Variants in RNF121 observed in about 807,000 individuals in gnomAD.
RNF121 encodes the protein E3 ubiquitin ligase RNF121.
RNF121 carries 21 observed loss-of-function variants against 46.5 expected under a neutral mutation model. The observed-to-expected ratio is 0.45, with a 90% CI of 0.32 to 0.65. The LOEUF (loss-of-function observed/expected upper bound fraction) is 0.65. Among genes scored for constraint, RNF121 ranks in the 30% least tolerant of loss-of-function variants. The probability of loss-of-function intolerance (pLI) is 0.04; values close to 1 mark genes in which losing one functional copy is unlikely to be tolerated. For missense variants in RNF121, 346 were observed against 416.0 expected (o/e 0.83, Z 1.46); for synonymous variants, 139 against 144.7 (o/e 0.96, Z 0.28).
chr11:71,970,901 G>A (rs919766787), intron 3 of RNF121, among the ~76,000 whole-genome samples: 3 of 152,066 alleles, frequency 2.0e-5, no homozygotes, highest in African/African-American at 7.2e-5. Flanking sequence ...AGATGGATGG[G>A]AATTTAATAT....
chr11:71,937,703 C>T (rs900322034), intron 1 of RNF121, among the ~76,000 whole-genome samples: 6 of 152,132 alleles, frequency 3.9e-5, no homozygotes, highest in Admixed American at 3.9e-4. Context: ...CGTACCTTTT[C>T]CCAGATTCTG....
At chr11:71,945,049 G>A (rs1953681791) in intron 1 of RNF121, among the ~76,000 whole-genome samples, 1 of 151,820 alleles carries the variant, frequency 6.6e-6, no homozygotes, top group Non-Finnish European at 1.5e-5. Flanking sequence ...GTGCAGTGGT[G>A]TGATCATGGC....
intron 1 of RNF121, 47 bp downstream of exon 1, chr11:71,929,171 G>A (rs368249883): frequency 2.1e-5 from 32 of 1,538,252 alleles, no homozygotes; most frequent in East Asian, 1.2e-4. Context: ...GAGACTGAGG[G>A]GAGGGGCAGT....
At chr11:71,990,822 C>A in intron 6 of RNF121, 105 bp downstream of exon 6, 1 of 1,374,518 alleles carries the variant, frequency 7.3e-7, no homozygotes, top group Non-Finnish European at 9.9e-7. Flanking sequence ...TGAGATAAGC[C>A]ACATAAAATC....
At position 71,995,495 on chromosome 11, in the gene RNF121, G is replaced by A. The variant is rs765511327; in HGVS notation, c.807G>A (p.Lys269=). The change falls in exon 8 of 9, where the codon AAG becomes AAA. Residue 269 remains lysine, a synonymous_variant. Transcript: ENST00000361756. ...CIRGWCIVGK[K]QTCPYCKEKV... ...GTGGCTGGTGCATCGTGGGAAAGAA[G>A]CAAACGTGTCCCTACTGCAAAGAGA... The A allele has an allele frequency of 1.9e-6, 3 of 1,595,522 alleles. No individual in the cohort carries two copies. Among genetic ancestry groups the A allele is most frequent in the Non-Finnish European group, 2.6e-6 (3 of 1,169,562 alleles).
In RNF121 at chr11:71,929,091, A is replaced by T. The variant is rs754578761; in HGVS notation, c.30A>T (p.Gly10=). 1.9e-6 allele frequency: 3 copies of T among 1,551,334 alleles called. No individual in the cohort carries two copies. Among genetic ancestry groups the T allele is most frequent in the Admixed American group, 2.0e-5 (1 of 50,974 alleles). MAAVVEVEV[G]GGAAGERELD... The stretch of plus-strand genomic sequence containing the variant: ...CGGCAGTGGTGGAGGTGGAGGTTGG[A>T]GGTGGTGCTGCTGGGGAACGGGAGC... Residue 10 remains glycine, a synonymous_variant, in exon 1 of 9, where the codon GGA becomes GGT. Coordinates refer to ENST00000361756, the MANE Select transcript of RNF121 (RefSeq NM_018320.5).
At chr11:71,978,284 C>T in intron 3 of RNF121, 2 of 354,104 alleles carry the variant, frequency 5.6e-6, no homozygotes, top group South Asian at 4.0e-5. Flanking sequence ...CACTCAGCTC[C>T]TCTGCCTTGC....
At chr11:71,990,936 G>A in intron 6 of RNF121, 1 of 569,876 alleles carries the variant, frequency 1.8e-6, no homozygotes, top group South Asian at 2.4e-5. Context: ...CATGCCAGCT[G>A]GAGGCCTTTA....
At chr11:71,946,362 C>T (rs1429746020) in intron 1 of RNF121, among the ~76,000 whole-genome samples, 3 of 152,146 alleles carry the variant, frequency 2.0e-5, no homozygotes, top group Non-Finnish European at 2.9e-5. Flanking sequence ...TGAAAGAAGA[C>T]AGTCACAAAA....
chr11:71,943,634 G>A (rs1953641930), intron 1 of RNF121, among the ~76,000 whole-genome samples: 1 of 152,184 alleles, frequency 6.6e-6, no homozygotes, highest in Non-Finnish European at 1.5e-5. Context: ...ATGGTGTAGT[G>A]GAAAAGTTAG....
In RNF121 at chr11:71,986,769, C is replaced by CA. The variant is rs11315989; in HGVS notation, c.399-215dup. Among the ~76,000 whole-genome samples the CA allele has an allele frequency of 3.0e-3, 215 of 71,898 alleles. 3 individuals carry two copies. Among genetic ancestry groups the CA allele is most frequent in the African/African-American group, 7.4e-3 (142 of 19,286 alleles). 47.2% of individuals were successfully genotyped at this position (71,898 alleles called of 152,430 possible). Reference sequence around the variant, plus strand: ...GGGTGACAGAGCGAGACTCTCATCTCAAAAAAAAAAAAAAAAAAAAGAAAA... The same window carrying CA: ...GGGTGACAGAGCGAGACTCTCATCTCAAAAAAAAAAAAAAAAAAAAAGAAAA... On this transcript the variant is annotated intron_variant, in intron 4 of 8. Transcript: ENST00000361756.
chr11:71,948,098 A>G (rs1328116340), intron 1 of RNF121, among the ~76,000 whole-genome samples: 1 of 152,182 alleles, frequency 6.6e-6, no homozygotes, highest in South Asian at 2.1e-4. Flanking sequence ...TGCATATAGG[A>G]AAGAGTGAGA....
At chr11:71,966,338 G>T (rs1431640735) in intron 3 of RNF121, among the ~76,000 whole-genome samples, 1 of 152,130 alleles carries the variant, frequency 6.6e-6, no homozygotes, top group East Asian at 1.9e-4. Flanking sequence ...CATTTTTATC[G>T]AAGTAATACA....
intron 1 of RNF121, 83 bp from the exon 2 acceptor site, chr11:71,957,144 T>TA (rs1954005873): frequency 3.4e-6 from 3 of 878,926 alleles, no homozygotes; most frequent in South Asian, 1.3e-5. Context: ...TCCTTGAAGA[T>TA]ACTGATAAAT....
chr11:71,982,904 G>A lies in RNF121; in HGVS notation c.387G>A (p.Gln129=). 6.2e-7 allele frequency: 1 copy of A among 1,608,228 alleles called. No individual in the cohort carries two copies. Among genetic ancestry groups the A allele is most frequent in the Non-Finnish European group, 8.5e-7 (1 of 1,177,422 alleles). The change falls in exon 4 of 9, where the codon CAG becomes CAA. Residue 129 remains glutamine (Q), a synonymous_variant. Coordinates refer to ENST00000361756, the MANE Select transcript of RNF121 (RefSeq NM_018320.5). ...GAGCCACCCGAAAACCTCTAGTACA[G>A]ACAACCCCAAGGTGAGAGTTTAAGT... ...TFRATRKPLV[Q]TTPRLVYKWF... is the part of the protein sequence containing the mutation.
At chr11:71,986,748 G>A (rs929404095) in intron 4 of RNF121, among the ~76,000 whole-genome samples, 5 of 130,420 alleles carry the variant, frequency 3.8e-5, no homozygotes, top group Non-Finnish European at 7.8e-5. Flanking sequence ...CAGCTTGGGT[G>A]ACAGAGCGAG....
At chr11:71,949,980 G>A (rs1411627853) in intron 1 of RNF121, among the ~76,000 whole-genome samples, 1 of 151,946 alleles carries the variant, frequency 6.6e-6, no homozygotes, top group Non-Finnish European at 1.5e-5. Context: ...CAGTCTGGGC[G>A]ACAGAGCAAG....
intron 1 of RNF121, among the ~76,000 whole-genome samples, chr11:71,942,007 G>A (rs1292206392): frequency 8.1e-5 from 12 of 148,306 alleles, no homozygotes; most frequent in African/African-American, 2.5e-4. Context: ...ATCTTGGCTC[G>A]CTGCAAGCTC....
intron 1 of RNF121, among the ~76,000 whole-genome samples, chr11:71,956,414 A>T (rs1161384153): frequency 1.3e-5 from 2 of 152,178 alleles, no homozygotes; most frequent in Admixed American, 6.5e-5. Flanking sequence ...AACTAGGGGG[A>T]CGCTATGGCA....
Sources: allele counts gnomAD v4.1 joint callset (sites outside exome capture counted in the v4.1 genomes callset), GRCh38; gene constraint gnomAD v4.1.1; transcripts MANE v1.5; gene names NCBI Gene and HGNC (gene_info 2026-07-23, HGNC 2026-07-21).